Variants in FBXO4 observed in about 807,000 individuals in gnomAD.
FBXO4 encodes the protein F-box only protein 4.
Under a neutral mutation model 43.7 loss-of-function variants are expected in FBXO4, and 36 were observed. That is an observed-to-expected ratio of 0.82 (90% CI 0.63 to 1.09). The LOEUF is 1.09. FBXO4 is among the 50% of genes least tolerant of loss of function. FBXO4 has a pLI of 0.00. For synonymous variants in FBXO4, 180 were observed against 165.6 expected (o/e 1.09, Z -0.67); for missense variants, 435 against 474.1 (o/e 0.92, Z 0.77).
chr5:42,000,004 C>A, the FBXO4 span, among the ~76,000 whole-genome samples: 1 of 152,004 alleles, frequency 6.6e-6, no homozygotes, highest in Non-Finnish European at 1.5e-5. Flanking sequence ...CCCTAGCAAC[C>A]ATCATTATAC....
the FBXO4 span, among the ~76,000 whole-genome samples, chr5:42,033,367 C>T: frequency 0.039 from 5,891 of 152,066 alleles, 395 homozygotes; most frequent in African/African-American, 0.13. Context: ...CACTGTAGCC[C>T]TCAGTGGTGA....
chr5:42,036,122 A>T, the FBXO4 span, among the ~76,000 whole-genome samples: 1 of 152,278 alleles, frequency 6.6e-6, no homozygotes, highest in East Asian at 1.9e-4. Flanking sequence ...TTACTTTGAG[A>T]ACCACTGGGG....
chr5:42,038,837 C>T, the FBXO4 span, among the ~76,000 whole-genome samples: 2 of 151,984 alleles, frequency 1.3e-5, no homozygotes, highest in Non-Finnish European at 2.9e-5. Flanking sequence ...TTTTAAAGCT[C>T]CCACATTATA....
the FBXO4 span, among the ~76,000 whole-genome samples, chr5:42,018,896 G>T: frequency 6.6e-6 from 1 of 152,140 alleles, no homozygotes; most frequent in Non-Finnish European, 1.5e-5. Context: ...GAGAAATGCT[G>T]CTAGGGCTAC....
downstream of FBXO4, among the ~76,000 whole-genome samples, chr5:41,944,222 A>G (rs1047755254): frequency 6.6e-6 from 1 of 152,230 alleles, no homozygotes; most frequent in Non-Finnish European, 1.5e-5. Context: ...CTTATTTAAC[A>G]TATTGAAGCA....
the FBXO4 span, among the ~76,000 whole-genome samples, chr5:42,035,448 C>T: frequency 6.6e-6 from 1 of 152,006 alleles, no homozygotes; most frequent in South Asian, 2.1e-4. Flanking sequence ...TATGACCAAT[C>T]TTATCAGAAG....
At chr5:42,021,305 G>T in the FBXO4 span, among the ~76,000 whole-genome samples, 2 of 152,164 alleles carry the variant, frequency 1.3e-5, no homozygotes, top group South Asian at 4.1e-4. Context: ...GATATATTTT[G>T]GTTAGAGAGC....
chr5:42,029,752 T>C, the FBXO4 span, among the ~76,000 whole-genome samples: 1 of 152,100 alleles, frequency 6.6e-6, no homozygotes, highest in Non-Finnish European at 1.5e-5. Flanking sequence ...TCTGATACAT[T>C]CTTCAGTATG....
chr5:41,959,873 A>AT, the FBXO4 span, among the ~76,000 whole-genome samples: 2 of 151,210 alleles, frequency 1.3e-5, no homozygotes, highest in Non-Finnish European at 3.0e-5. Context: ...AAATTTTAGG[A>AT]TTTTTTTTCT....
At chr5:41,980,621 C>G in the FBXO4 span, among the ~76,000 whole-genome samples, 2 of 152,042 alleles carry the variant, frequency 1.3e-5, no homozygotes, top group East Asian at 3.9e-4. Flanking sequence ...CTATTAATCA[C>G]CTTTATAGCC....
chr5:42,017,998 A>G, the FBXO4 span, among the ~76,000 whole-genome samples: 1 of 151,932 alleles, frequency 6.6e-6, no homozygotes, highest in African/African-American at 2.4e-5. Context: ...TTTTAAAAAG[A>G]TTTAGAATCT....
the FBXO4 span, among the ~76,000 whole-genome samples, chr5:42,034,930 AT>A: frequency 1.3e-5 from 2 of 152,138 alleles, no homozygotes; most frequent in East Asian, 3.8e-4. Context: ...TGGGAATAGC[AT>A]GGAATCTATA....
Position 41,933,962 on chromosome 5 carries a change from C to A in FBXO4, c.663C>A (p.Val221=). The A allele has an allele frequency of 6.2e-7, 1 of 1,613,024 alleles. No individual in the cohort carries two copies. Among genetic ancestry groups the A allele is most frequent in the Non-Finnish European group, 8.5e-7 (1 of 1,179,652 alleles). The change falls in exon 4 of 7, where the codon GTC becomes GTA. Residue 221 remains valine (V), a synonymous_variant. Transcript: ENST00000281623. The part of the protein sequence containing the change: ...QRQIDGIGSG[V]NFQLNNQHKF... Reference sequence around the variant, plus strand: ...CTTTCTTAGGTATTGGATCAGGAGTCAATTTTCAGTTGAACAACCAACATA... The same window carrying A: ...CTTTCTTAGGTATTGGATCAGGAGTAAATTTTCAGTTGAACAACCAACATA...
the FBXO4 span, among the ~76,000 whole-genome samples, chr5:41,978,574 T>C: frequency 6.6e-6 from 1 of 152,196 alleles, no homozygotes; most frequent in Non-Finnish European, 1.5e-5. Flanking sequence ...AGTAGTATTC[T>C]GAAAATAACT....
Position 41,941,337 on chromosome 5 carries a change from G to C in FBXO4, c.*56G>C. On this transcript the variant is annotated 3_prime_UTR_variant, in exon 7 of 7. Transcript: ENST00000281623. ...ATTTGAAATTTATTACTAAGGTCGTGATGTGAATATTTGCTCAGTCAGCCC... is the reference window on the plus strand; with the variant it reads ...ATTTGAAATTTATTACTAAGGTCGTCATGTGAATATTTGCTCAGTCAGCCC... 1 of 1,497,106 alleles carries C rather than the reference G, an allele frequency of 6.7e-7. No individual in the cohort carries two copies. 92.7% of individuals were successfully genotyped at this position (1,497,106 alleles called of 1,614,324 possible).
chr5:41,941,177 C>A lies in FBXO4; in HGVS notation c.1075-15C>A. 1 of 1,608,756 alleles carries A rather than the reference C, an allele frequency of 6.2e-7. No individual in the cohort carries two copies. The highest frequency in any genetic ancestry group is 1.1e-5 in the South Asian group (1 of 90,860). On this transcript the variant is annotated splice_polypyrimidine_tract_variant and intron_variant, in intron 6 of 6. Coordinates refer to ENST00000281623, the MANE Select transcript of FBXO4 (RefSeq NM_012176.3). ...TAGTTTCTTACTAACAACATTCTCTCTTATGTATTCCGAGGTCCAGGATAC... is the reference window on the plus strand; with the variant it reads ...TAGTTTCTTACTAACAACATTCTCTATTATGTATTCCGAGGTCCAGGATAC...
At chr5:41,993,913 A>G in the FBXO4 span, among the ~76,000 whole-genome samples, 4 of 152,096 alleles carry the variant, frequency 2.6e-5, no homozygotes, top group Admixed American at 2.6e-4. Context: ...GCCCACACAG[A>G]TTAAGGGTGG....
chr5:41,927,013 A>G lies in FBXO4; in HGVS notation c.190A>G (p.Ile64Val), dbSNP rs895002484. 1 of 1,570,126 alleles carries G rather than the reference A, an allele frequency of 6.4e-7. No homozygotes were observed. The highest frequency in any genetic ancestry group is 2.0e-5 in the Admixed American group (1 of 51,124). Residue 64 changes from isoleucine (I) to valine (V), a missense_variant and splice_region_variant, in exon 2 of 7, where the codon ATT becomes GTT. Transcript: ENST00000281623. Reference protein sequence around the residue: ...EAASTLTRLPIDVQLYILSFL... With the variant: ...EAASTLTRLPVDVQLYILSFL... ...TACCTGCTGCTTTCTTCTGTTTCAG[A>G]TTGATGTACAGCTATATATTTTGTC...
At chr5:42,006,551 G>A in the FBXO4 span, among the ~76,000 whole-genome samples, 16 of 151,934 alleles carry the variant, frequency 1.1e-4, no homozygotes, top group East Asian at 7.7e-4. Flanking sequence ...AAAGTACAGC[G>A]AAAAATTACA....
Sources: allele counts gnomAD v4.1 joint callset (sites outside exome capture counted in the v4.1 genomes callset), GRCh38; gene constraint gnomAD v4.1.1; transcripts MANE v1.5; gene names NCBI Gene and HGNC (gene_info 2026-07-23, HGNC 2026-07-21).